FCMR: variants seen among roughly 807,000 people sequenced by gnomAD.
The protein encoded by FCMR is immunoglobulin mu Fc receptor.
Under a neutral mutation model 41.6 loss-of-function variants are expected in FCMR, and 34 were observed. The observed-to-expected ratio is 0.82, with a 90% CI of 0.62 to 1.09. FCMR has a LOEUF of 1.09. Ranked by LOEUF, FCMR falls within the 50% of genes least tolerant of loss-of-function variation. The pLI, the probability that FCMR is intolerant of heterozygous loss-of-function variation, is 0.00. For missense variants in FCMR, 496 were observed against 512.5 expected (o/e 0.97, Z 0.31); for synonymous variants, 209 against 211.8 (o/e 0.99, Z 0.12).
intron 4 of FCMR, 114 bp downstream of exon 4, chr1:206,911,616 C>T: frequency 2.1e-6 from 2 of 949,726 alleles, no homozygotes; most frequent in Non-Finnish European, 3.3e-6. Flanking sequence ...TGGTATATTT[C>T]ACAGTGGCCT....
At chr1:206,914,176 C>T in intron 1 of FCMR, 82 bp from the exon 2 acceptor site, 4 of 1,090,240 alleles carry the variant, frequency 3.7e-6, no homozygotes, top group Non-Finnish European at 5.4e-6. Flanking sequence ...CTCCAGCCGT[C>T]TCTCCAACCC....
At position 206,912,753 on chromosome 1, in the gene FCMR, A is replaced by T. The variant is rs1358714655; in HGVS notation, c.487+176T>A. Among the ~76,000 whole-genome samples the T allele has an allele frequency of 3.3e-5, 5 of 152,182 alleles. No individual in the cohort carries two copies. In the East Asian group the frequency reaches 9.6e-4, roughly 29 times the overall value. On this transcript the variant is annotated intron_variant, in intron 3 of 7. Transcript: ENST00000367091. ...CCTGACTGTCGGACAGGCTTGAAGG[A>T]TATGGACCGCAGATCTCAGGGAGGT...
chr1:206,921,511 G>C, intron 1 of FCMR: 1 of 471,598 alleles, frequency 2.1e-6, no homozygotes, highest in Non-Finnish European at 4.0e-6. Flanking sequence ...TGGGGTGGTA[G>C]GATCACTCGA....
Position 206,905,039 on chromosome 1 carries a change from A to G in FCMR, c.1153T>C (p.Tyr385His). Reference protein sequence around the residue: ...AMMEDSDSDDYINVPA With the variant: ...AMMEDSDSDDHINVPA ...AGTTGTCAGGCAGGAACATTGATGTAGTCATCTGAATCACTGTCCTCCATC... is the reference window on the plus strand; with the variant it reads ...AGTTGTCAGGCAGGAACATTGATGTGGTCATCTGAATCACTGTCCTCCATC... The change falls in exon 8 of 8, where the codon TAC becomes CAC. Residue 385 changes from tyrosine (Y) to histidine (H), a missense_variant. Tyr to His is a moderately conservative substitution (Grantham distance 83). Transcript: ENST00000367091. 1 of 1,614,130 alleles carries G rather than the reference A, an allele frequency of 6.2e-7. No individual in the cohort carries two copies. Among genetic ancestry groups the G allele is most frequent in the East Asian group, 2.2e-5 (1 of 44,882 alleles).
At chr1:206,907,665 TG>T in intron 7 of FCMR, 1 of 789,398 alleles carries the variant, frequency 1.3e-6, no homozygotes. Context: ...GGCCATCTCC[TG>T]GGCCCCCTGG....
At chr1:206,912,406 A>G (rs1205440670) in intron 3 of FCMR, among the ~76,000 whole-genome samples, 5 of 152,234 alleles carry the variant, frequency 3.3e-5, no homozygotes, top group Non-Finnish European at 7.3e-5. Context: ...TCATAGGCAT[A>G]TGGGATAATA....
At position 206,903,916 on chromosome 1, in the gene FCMR, G is replaced by C. The variant is rs1043052078; in HGVS notation, c.*1103C>G. The C allele has an allele frequency of 1.3e-5, 2 of 152,378 alleles. No individual in the cohort carries two copies. Among genetic ancestry groups the C allele is most frequent in the African/African-American group, 4.8e-5 (2 of 41,454 alleles). 9.4% of individuals were successfully genotyped at this position (152,378 alleles called of 1,614,324 possible). On this transcript the variant is annotated 3_prime_UTR_variant, in exon 8 of 8. Transcript: ENST00000367091. ...CTGGATGAATGCCCAGTGAGACTGT[G>C]TTGTACAGCTAGAAAAGGCCTTCTT...
chr1:206,907,815 CT>C, intron 7 of FCMR: 1 of 1,400,876 alleles, frequency 7.1e-7, no homozygotes, highest in Non-Finnish European at 1.0e-6. Flanking sequence ...AACACCAACC[CT>C]TCCCGAGGTC....
upstream of FCMR, among the ~76,000 whole-genome samples, chr1:206,922,695 G>A (rs1475113718): frequency 6.6e-6 from 1 of 152,218 alleles, no homozygotes; most frequent in East Asian, 1.9e-4. Context: ...AGGTCATGCA[G>A]CCACTTTGCC....
At chr1:206,908,089 G>T in intron 7 of FCMR, 2 of 1,145,978 alleles carry the variant, frequency 1.7e-6, no homozygotes, top group Non-Finnish European at 2.6e-6. Flanking sequence ...CACCCTGGAG[G>T]AGAAGTGGAA....
At chr1:206,910,664 T>C (rs1330422798) in intron 4 of FCMR, among the ~76,000 whole-genome samples, 1 of 152,128 alleles carries the variant, frequency 6.6e-6, no homozygotes, top group Non-Finnish European at 1.5e-5. Flanking sequence ...ATATAAAGAA[T>C]TTAATGCACC....
chr1:206,920,818 C>A (rs915159038), intron 1 of FCMR, among the ~76,000 whole-genome samples: 2 of 152,184 alleles, frequency 1.3e-5, no homozygotes, highest in African/African-American at 4.8e-5. Context: ...TCCTCTGTTA[C>A]CTTCCTAGTA....
chr1:206,907,893 C>A, intron 7 of FCMR: 2 of 1,276,220 alleles, frequency 1.6e-6, no homozygotes, highest in Non-Finnish European at 2.3e-6. Context: ...CCCAAGAGAC[C>A]AAGTGAGGCC....
At position 206,913,984 on chromosome 1, in the gene FCMR, G is replaced by A. The variant is rs370696168; in HGVS notation, c.148C>T (p.Arg50Trp). 3.7e-6 allele frequency: 6 copies of A among 1,614,100 alleles called. No individual in the cohort carries two copies. Among genetic ancestry groups the A allele is most frequent in the Non-Finnish European group, 5.1e-6 (6 of 1,179,996 alleles). The change falls in exon 2 of 8, where the codon CGG (arginine) becomes TGG (tryptophan). Residue 50 changes from arginine to tryptophan, a missense_variant. Arg to Trp is a moderately radical substitution (Grantham distance 101, BLOSUM62 -3). Coordinates refer to ENST00000367091, the MANE Select transcript of FCMR (RefSeq NM_005449.5). The part of the protein sequence containing the change: ...PEMHVRIYLC[R>W]EMAGSGTCGT... The stretch of plus-strand genomic sequence containing the variant: ...CATGTTCCAGATCCAGCCATCTCCC[G>A]GCACAGATATATCCTCACATGCATT...
At chr1:206,915,627 AAGTG>A (rs1679159226) in intron 1 of FCMR, among the ~76,000 whole-genome samples, 1 of 152,112 alleles carries the variant, frequency 6.6e-6, no homozygotes, top group Non-Finnish European at 1.5e-5. Flanking sequence ...CGGATCCCAT[AAGTG>A]TCTGCATATT....
intron 7 of FCMR, chr1:206,907,587 A>G: frequency 3.0e-6 from 2 of 663,912 alleles, no homozygotes; most frequent in Non-Finnish European, 5.7e-6. Context: ...GAATTAAACA[A>G]GGGATTTTCT....
chr1:206,921,519 C>T (rs184198751), intron 1 of FCMR: 15 of 481,816 alleles, frequency 3.1e-5, no homozygotes, highest in African/African-American at 1.2e-4. Context: ...TAGGATCACT[C>T]GAACCCAGGA....
At chr1:206,912,426 T>C (rs1376478136) in intron 3 of FCMR, among the ~76,000 whole-genome samples, 2 of 152,206 alleles carry the variant, frequency 1.3e-5, no homozygotes, top group Admixed American at 1.3e-4. Context: ...ATGATGGAAA[T>C]ATTGCATGTC....
chr1:206,915,362 AT>A (rs1679145022), intron 1 of FCMR, among the ~76,000 whole-genome samples: 1 of 152,114 alleles, frequency 6.6e-6, no homozygotes, highest in Non-Finnish European at 1.5e-5. Flanking sequence ...ACCTGAAGGA[AT>A]GGGTATGGAG....
Sources: allele counts gnomAD v4.1 joint callset (sites outside exome capture counted in the v4.1 genomes callset), GRCh38; gene constraint gnomAD v4.1.1; transcripts MANE v1.5; gene names NCBI Gene and HGNC (gene_info 2026-07-23, HGNC 2026-07-21).